Variants in ATG7 observed in about 807,000 individuals in gnomAD.
ATG7 encodes ubiquitin-like modifier-activating enzyme ATG7.
In ATG7, 70 loss-of-function variants were observed where a neutral mutation model predicts 82.4. The ratio of observed to expected loss-of-function variants is 0.85; its 90% confidence interval spans 0.70 to 1.04. The LOEUF is 1.04. ATG7 is among the 50% of genes least tolerant of loss of function. The probability of loss-of-function intolerance (pLI) is 0.00; values close to 1 mark genes in which losing one functional copy is unlikely to be tolerated. For synonymous variants in ATG7, 287 were observed against 313.0 expected (o/e 0.92, Z 0.88); for missense variants, 792 against 864.3 (o/e 0.92, Z 1.05).
At chr3:11,433,972 C>CTATAG (rs1340945543) in intron 20 of ATG7, among the ~76,000 whole-genome samples, 1 of 152,164 alleles carries the variant, frequency 6.6e-6, no homozygotes, top group East Asian at 1.9e-4. Flanking sequence ...GATTCATTCA[C>CTATAG]TATAGAACTC....
At chr3:11,285,829 C>G (rs58237182) in intron 3 of ATG7, among the ~76,000 whole-genome samples, 1 of 152,330 alleles carries the variant, frequency 6.6e-6, no homozygotes, top group East Asian at 1.9e-4. Flanking sequence ...CAGATACCTT[C>G]TATTTATCCA....
intron 11 of ATG7, among the ~76,000 whole-genome samples, chr3:11,337,862 G>A (rs1952792736): frequency 6.6e-6 from 1 of 151,960 alleles, no homozygotes; most frequent in Admixed American, 6.6e-5. Context: ...TTTCTTACCT[G>A]TATCAAGAGA....
chr3:11,365,496 G>A lies in ATG7; in HGVS notation c.1875+762G>A, dbSNP rs151031489. Among the ~76,000 whole-genome samples, 721 of 152,192 alleles carry A rather than the reference G, an allele frequency of 4.7e-3. 6 individuals carry two copies. The highest frequency in any genetic ancestry group is 0.017 in the African/African-American group (691 of 41,536). On this transcript the variant is annotated intron_variant, in intron 18 of 20. Coordinates refer to ENST00000693202, the MANE Select transcript of ATG7 (RefSeq NM_001349232.2). ...TTTGGGAGATTGAAGAGGTTTTCCA[G>A]TCTTATTTGGAAATCATTTTTTTTT...
At chr3:11,277,902 C>G (rs889711882) in intron 1 of ATG7, among the ~76,000 whole-genome samples, 7 of 137,324 alleles carry the variant, frequency 5.1e-5, no homozygotes, top group East Asian at 4.5e-4. Context: ...CCCCCCCCCC[C>G]CCACCAGGAA....
chr3:11,511,171 G>A (rs1206435602), intron 20 of ATG7, among the ~76,000 whole-genome samples: 1 of 152,172 alleles, frequency 6.6e-6, no homozygotes, highest in African/African-American at 2.4e-5. Flanking sequence ...GCGTGGAAGG[G>A]GACCTGAGCG....
chr3:11,414,641 C>T (rs958659557), intron 19 of ATG7, among the ~76,000 whole-genome samples: 4 of 152,060 alleles, frequency 2.6e-5, no homozygotes, highest in African/African-American at 9.7e-5. Flanking sequence ...GCCTTCTTGC[C>T]TTCATGGAGA....
downstream of ATG7, chr3:11,558,571 G>A (rs751466054): frequency 6.9e-6 from 11 of 1,602,390 alleles, no homozygotes; most frequent in South Asian, 9.9e-5. Flanking sequence ...AGACCACAGA[G>A]GGGGAGTGAC....
chr3:11,378,346 T>C (rs1448237842), intron 18 of ATG7, among the ~76,000 whole-genome samples: 1 of 151,314 alleles, frequency 6.6e-6, no homozygotes, highest in Non-Finnish European at 1.5e-5. Context: ...ATCAATATGC[T>C]ATGTGTTTTT....
At chr3:11,485,726 TA>T (rs1382242930) in intron 20 of ATG7, among the ~76,000 whole-genome samples, 3 of 152,232 alleles carry the variant, frequency 2.0e-5, no homozygotes, top group Non-Finnish European at 2.9e-5. Flanking sequence ...GTATAAGGTG[TA>T]AGCAAGGGAT....
At chr3:11,431,962 C>A (rs2082933271) in intron 20 of ATG7, among the ~76,000 whole-genome samples, 1 of 152,262 alleles carries the variant, frequency 6.6e-6, no homozygotes, top group East Asian at 1.9e-4. Flanking sequence ...GCACTCATCC[C>A]CTGTCCATCA....
chr3:11,426,406 C>T (rs968715058), intron 19 of ATG7, among the ~76,000 whole-genome samples: 4 of 152,070 alleles, frequency 2.6e-5, no homozygotes, highest in Non-Finnish European at 5.9e-5. Context: ...GCTCGTATGT[C>T]ACACTTTTTT....
chr3:11,393,297 G>A lies in ATG7; in HGVS notation c.1956+13245G>A, dbSNP rs372393825. Among the ~76,000 whole-genome samples, 200 of 151,578 alleles carry A rather than the reference G, an allele frequency of 1.3e-3. 4 individuals are homozygous for A. In the South Asian group the frequency reaches 0.041, roughly 31 times the overall value. On this transcript the variant is annotated intron_variant, in intron 19 of 20. Transcript: ENST00000693202. ...TTTATACTTGTGAGGAAATCCTCTA[G>A]TATAGATTTCAAAGCTGTAGCTGAT...
In ATG7 at chr3:11,426,922, C is replaced by G. The variant is rs1435191425; in HGVS notation, c.2075C>G (p.Ala692Gly). 1.3e-6 allele frequency: 2 copies of G among 1,598,188 alleles called. No homozygotes were observed. The highest frequency in any genetic ancestry group is 1.7e-6 in the Non-Finnish European group (2 of 1,174,390). ...TTGCTGCATCAAGAAACCCAAGCTG[C>G]TGAGGTAAGAACAAAACAAGCTTTC... ...LTLLHQETQA[A>G]EIWDMSDDET... The change falls in exon 20 of 21, where the codon GCT becomes GGT. Residue 692 changes from alanine to glycine, a missense_variant. Transcript: ENST00000693202.
At chr3:11,409,772 ATTCTT>A (rs1312964972) in intron 19 of ATG7, among the ~76,000 whole-genome samples, 1 of 111,636 alleles carries the variant, frequency 9.0e-6, no homozygotes, top group African/African-American at 3.6e-5. Flanking sequence ...GTGTGTCTAG[ATTCTT>A]TTTTTTTTTT....
At chr3:11,528,825 C>CAAAAA (rs11377789) in intron 20 of ATG7, among the ~76,000 whole-genome samples, 1 of 88,742 alleles carries the variant, frequency 1.1e-5, no homozygotes, top group Non-Finnish European at 2.3e-5. Context: ...GACTCCATCT[C>CAAAAA]AAAAAAAAAA....
At chr3:11,484,708 G>A (rs1347845218) in intron 20 of ATG7, among the ~76,000 whole-genome samples, 2 of 152,124 alleles carry the variant, frequency 1.3e-5, no homozygotes, top group South Asian at 4.2e-4. Flanking sequence ...CTGACCCCAC[G>A]ACAGTCCCCA....
chr3:11,375,305 C>A (rs182760897), intron 18 of ATG7, among the ~76,000 whole-genome samples: 4 of 152,064 alleles, frequency 2.6e-5, no homozygotes, highest in Non-Finnish European at 4.4e-5. Context: ...AACAAACTTA[C>A]AATACAGCAA....
In ATG7 at chr3:11,478,989, AACAC is replaced by A. The variant is rs71628717; in HGVS notation, c.2079+52111_2079+52114del. Among the ~76,000 whole-genome samples, 343 of 73,100 alleles carry A rather than the reference AACAC, an allele frequency of 4.7e-3. 1 individual carries two copies. The highest frequency in any genetic ancestry group is 0.011 in the Middle Eastern group (2 of 180). 48.0% of individuals were successfully genotyped at this position (73,100 alleles called of 152,430 possible). A position where few individuals can be genotyped will look rare whatever the true frequency, so the allele number is the denominator to read the frequency against. On this transcript the variant is annotated intron_variant, in intron 20 of 20. Coordinates refer to ENST00000693202, the MANE Select transcript of ATG7 (RefSeq NM_001349232.2). ...TTTGAATATGTGCCTGTATATTTAC[AACAC>A]ACACACACACACACACACACACACA...
intron 17 of ATG7, among the ~76,000 whole-genome samples, chr3:11,364,302 AATGTTT>A (rs1453870599): frequency 3.3e-5 from 5 of 152,204 alleles, no homozygotes; most frequent in African/African-American, 1.2e-4. Flanking sequence ...TAAGTGAGTT[AATGTTT>A]ATTGGCCTCT....
Sources: gnomAD v4.1 joint callset for allele counts (sites outside exome capture counted in the v4.1 genomes callset) on GRCh38, gnomAD v4.1.1 for gene constraint, MANE v1.5 for transcripts, NCBI Gene and HGNC (gene_info 2026-07-23, HGNC 2026-07-21) for gene names.